Variants in WWP2 observed in about 807,000 individuals in gnomAD.
The protein encoded by WWP2 is WW domain containing E3 ubiquitin protein ligase 2.
WWP2 carries 57 observed loss-of-function variants against 121.0 expected under a neutral mutation model. The ratio of observed to expected loss-of-function variants is 0.47; its 90% CI spans 0.38 to 0.59. The LOEUF is 0.59. WWP2 is among the 20% of genes least tolerant of loss of function. WWP2 has a pLI of 0.00. For synonymous variants in WWP2, 449 were observed against 441.3 expected (o/e 1.02, Z -0.22); for missense variants, 962 against 1,158.9 (o/e 0.83, Z 2.47).
chr16:69,836,673 C>T (rs1387071616), intron 4 of WWP2, among the ~76,000 whole-genome samples: 1 of 152,136 alleles, frequency 6.6e-6, no homozygotes, highest in African/African-American at 2.4e-5. Flanking sequence ...TGCAGTGGCG[C>T]AATCTTGGCT....
intron 19 of WWP2, chr16:69,936,867 G>A (rs1312495466): frequency 1.2e-5 from 6 of 512,926 alleles, no homozygotes; most frequent in Non-Finnish European, 1.7e-5. Context: ...ATACGTCTGA[G>A]GTTCAGTCGG....
chr16:69,819,417 C>G (rs181223424), intron 4 of WWP2, among the ~76,000 whole-genome samples: 419 of 152,326 alleles, frequency 2.8e-3, no homozygotes, highest in Non-Finnish European at 4.9e-3. Context: ...CCAGATCCCT[C>G]GGGCCACAGG....
In WWP2 at chr16:69,939,120, A is replaced by G. The variant is rs150082808; in HGVS notation, c.2437A>G (p.Ile813Val). ...GCCCGTCGGGGGATTTGCCGAACTC[A>G]TCGGTATGTTTTCTCTCGCCCTCTG... ...RLPVGGFAEL[I>V]GSNGPQKFCI... is the part of the protein sequence containing the mutation. Residue 813 changes from isoleucine to valine, a missense_variant, in exon 22 of 24, where the codon ATC becomes GTC. By Grantham distance (29) the Ile-to-Val change is conservative. Coordinates refer to ENST00000359154, the MANE Select transcript of WWP2 (RefSeq NM_001270454.2). 692 of 1,598,424 alleles carry G rather than the reference A, an allele frequency of 4.3e-4. 5 individuals are homozygous for G. The East Asian group carries it at 0.016, about 36-fold the overall frequency.
At chr16:69,857,854 A>G (rs1226890093) in intron 6 of WWP2, among the ~76,000 whole-genome samples, 1 of 151,660 alleles carries the variant, frequency 6.6e-6, no homozygotes, top group Non-Finnish European at 1.5e-5. Context: ...TTGTAGTGAC[A>G]GTGTCTTCCT....
intron 6 of WWP2, among the ~76,000 whole-genome samples, chr16:69,850,145 G>C (rs1012115989): frequency 2.0e-5 from 3 of 152,120 alleles, no homozygotes; most frequent in African/African-American, 7.2e-5. Context: ...CCAGCACTTT[G>C]GGAGGCCAAG....
chr16:69,779,230 C>T (rs1197871888), intron 1 of WWP2, among the ~76,000 whole-genome samples: 4 of 152,120 alleles, frequency 2.6e-5, no homozygotes, highest in Non-Finnish European at 5.9e-5. Flanking sequence ...GGATTACAGG[C>T]GTGAGCCACT....
At chr16:69,916,758 A>T (rs543575855) in intron 9 of WWP2, among the ~76,000 whole-genome samples, 3 of 152,300 alleles carry the variant, frequency 2.0e-5, no homozygotes, top group Non-Finnish European at 4.4e-5. Context: ...ACAGCTGGTC[A>T]TGAAGGTGAG....
At chr16:69,803,362 T>G (rs775337887) in intron 4 of WWP2, among the ~76,000 whole-genome samples, 3 of 150,130 alleles carry the variant, frequency 2.0e-5, no homozygotes, top group Non-Finnish European at 4.4e-5. Context: ...TTTGGAACAT[T>G]TACATAAAAA....
At chr16:69,767,672 G>A (rs896392643) in intron 1 of WWP2, among the ~76,000 whole-genome samples, 1 of 152,180 alleles carries the variant, frequency 6.6e-6, no homozygotes, top group Non-Finnish European at 1.5e-5. Flanking sequence ...GGGTTGTGCT[G>A]GAGGGGGCTA....
chr16:69,805,293 C>T (rs1018532184), intron 4 of WWP2, among the ~76,000 whole-genome samples: 1 of 152,080 alleles, frequency 6.6e-6, no homozygotes, highest in Non-Finnish European at 1.5e-5. Context: ...GCCTCGGCCT[C>T]CCAAAGTGCT....
chr16:69,933,010 G>C, intron 16 of WWP2: 1 of 475,036 alleles, frequency 2.1e-6, no homozygotes. Flanking sequence ...GTGGATGGAT[G>C]TTCCTTTTTT....
intron 7 of WWP2, among the ~76,000 whole-genome samples, chr16:69,882,208 G>A (rs990638547): frequency 1.6e-4 from 25 of 152,204 alleles, no homozygotes; most frequent in African/African-American, 1.4e-4. Context: ...CACTTGCCTC[G>A]GCCTCCCAAA....
chr16:69,868,500 G>C (rs1343681722), intron 6 of WWP2, among the ~76,000 whole-genome samples: 2 of 152,134 alleles, frequency 1.3e-5, no homozygotes, highest in Non-Finnish European at 2.9e-5. Context: ...TGCACGTTTT[G>C]CAGGTCCTGC....
intron 4 of WWP2, among the ~76,000 whole-genome samples, chr16:69,830,511 T>G (rs758154753): frequency 3.3e-5 from 5 of 152,214 alleles, no homozygotes; most frequent in African/African-American, 7.2e-5. Context: ...AAAACTTTAA[T>G]TTAGCAATGA....
rs57201672 is a variant in WWP2, at chr16:69,846,049, C to CAAA, written c.575+3948_575+3950dup. On this transcript the variant is annotated intron_variant, in intron 6 of 23. Coordinates refer to ENST00000359154, the MANE Select transcript of WWP2 (RefSeq NM_001270454.2). The stretch of plus-strand genomic sequence containing the variant: ...TGGGTGACAGAGCCAGACTCCATCT[C>CAAA]AAAAAAAAAAAAAAAAAAAAAGAAT... 1.9e-3 allele frequency among the ~76,000 whole-genome samples: 87 copies of CAAA among 45,558 alleles called. 8 individuals are homozygous for CAAA. Among genetic ancestry groups the CAAA allele is most frequent in the African/African-American group, 2.7e-3 (26 of 9,746 alleles). The allele number at this position is 45,558 out of a possible 152,430, so 29.9% of individuals were successfully genotyped here.
rs540646408 is a variant in WWP2 at position 69,931,788 on chromosome 16, C to T, written c.1594-14C>T. 6.2e-7 allele frequency: 1 copy of T among 1,613,246 alleles called. No homozygotes were observed. Among genetic ancestry groups the T allele is most frequent in the Admixed American group, 1.7e-5 (1 of 60,018 alleles). On this transcript the variant is annotated splice_polypyrimidine_tract_variant and intron_variant, in intron 15 of 23. Coordinates refer to ENST00000359154, the MANE Select transcript of WWP2 (RefSeq NM_001270454.2). Reference sequence around the variant, plus strand: ...GGGAGAGTGGCAGGCTGGCCCGATGCTCTGTCTTCCCAGATCATGAACATG... The same window carrying T: ...GGGAGAGTGGCAGGCTGGCCCGATGTTCTGTCTTCCCAGATCATGAACATG...
intron 4 of WWP2, among the ~76,000 whole-genome samples, chr16:69,827,166 ACT>A (rs975649872): frequency 2.6e-5 from 4 of 151,410 alleles, no homozygotes; most frequent in Non-Finnish European, 5.9e-5. Flanking sequence ...AAAAAAAAAA[ACT>A]ACTGTGGAAT....
chr16:69,936,915 T>A, intron 19 of WWP2: 1 of 617,718 alleles, frequency 1.6e-6, no homozygotes, highest in Non-Finnish European at 2.7e-6. Flanking sequence ...GTGGTGAGGA[T>A]GATTTCAAAG....
chr16:69,801,429 T>A (rs896380881), intron 4 of WWP2, among the ~76,000 whole-genome samples: 2 of 151,956 alleles, frequency 1.3e-5, no homozygotes, highest in Non-Finnish European at 2.9e-5. Context: ...AGAGAGTAGG[T>A]CTCACTATGT....
Sources: allele counts gnomAD v4.1 joint callset (sites outside exome capture counted in the v4.1 genomes callset), GRCh38; gene constraint gnomAD v4.1.1; transcripts MANE v1.5; gene names NCBI Gene and HGNC (gene_info 2026-07-23, HGNC 2026-07-21).